The following GRID2 variants were observed in gnomAD, a reference collection of about 807,000 sequenced individuals.
GRID2 encodes the protein glutamate receptor ionotropic, delta-2.
A neutral mutation model predicts 114.8 loss-of-function variants in GRID2; 33 were observed. That is an observed-to-expected ratio of 0.29 (90% CI 0.22 to 0.38). The LOEUF (loss-of-function observed/expected upper bound fraction) is 0.38. Among genes scored for constraint, GRID2 ranks in the 10% least tolerant of loss-of-function variants. The pLI, the probability that GRID2 is intolerant of heterozygous loss-of-function variation, is 1.00. For synonymous variants in GRID2, 505 were observed against 449.9 expected (o/e 1.12, Z -1.55); for missense variants, 1,184 against 1,257.7 (o/e 0.94, Z 0.89).
chr4:93,105,079 T>C (rs1308980263), intron 3 of GRID2, among the ~76,000 whole-genome samples: 4 of 152,132 alleles, frequency 2.6e-5, no homozygotes, highest in Admixed American at 6.5e-5. Context: ...CATTTTTTCA[T>C]GTGTCTTTTG....
At chr4:93,240,912 T>C (rs1032145086) in intron 8 of GRID2, among the ~76,000 whole-genome samples, 1 of 151,696 alleles carries the variant, frequency 6.6e-6, no homozygotes, top group African/African-American at 2.4e-5. Context: ...TTATTGAATG[T>C]TTCTGTCACT....
intron 11 of GRID2, among the ~76,000 whole-genome samples, chr4:93,465,146 C>G (rs1724144775): frequency 6.6e-6 from 1 of 152,134 alleles, no homozygotes; most frequent in Non-Finnish European, 1.5e-5. Flanking sequence ...GCTGAGGAAA[C>G]ACAAGACACC....
At chr4:93,058,601 T>G (rs180750027) in intron 2 of GRID2, among the ~76,000 whole-genome samples, 125 of 152,082 alleles carry the variant, frequency 8.2e-4, no homozygotes, top group African/African-American at 2.8e-3. Flanking sequence ...ATTGCTTAAA[T>G]CACTGTTTAA....
At chr4:92,995,845 A>T (rs1755164662) in intron 2 of GRID2, among the ~76,000 whole-genome samples, 1 of 152,190 alleles carries the variant, frequency 6.6e-6, no homozygotes, top group Non-Finnish European at 1.5e-5. Context: ...TAAAAATGCA[A>T]GCATTTCTCC....
At chr4:92,320,519 G>A (rs1212477521) in intron 1 of GRID2, among the ~76,000 whole-genome samples, 1 of 151,842 alleles carries the variant, frequency 6.6e-6, no homozygotes, top group Non-Finnish European at 1.5e-5. Context: ...CTGTTGCCCA[G>A]ACTGGAGTGT....
At chr4:93,538,847 T>G (rs1732369395) in intron 13 of GRID2, among the ~76,000 whole-genome samples, 1 of 151,378 alleles carries the variant, frequency 6.6e-6, no homozygotes, top group Non-Finnish European at 1.5e-5. Context: ...CAACTAAATG[T>G]AATGTTTGAT....
chr4:92,784,034 T>C (rs1739209158), intron 2 of GRID2, among the ~76,000 whole-genome samples: 2 of 152,066 alleles, frequency 1.3e-5, no homozygotes, highest in African/African-American at 4.8e-5. Context: ...TTAACAAACT[T>C]ATCTGAATTT....
At chr4:93,461,500 G>T (rs1202589015) in intron 11 of GRID2, among the ~76,000 whole-genome samples, 1 of 152,058 alleles carries the variant, frequency 6.6e-6, no homozygotes, top group Admixed American at 6.6e-5. Flanking sequence ...ATTGAATAGG[G>T]ATAAAGAGGC....
Position 93,484,601 on chromosome 4 carries a change from A to G in GRID2, c.1859-6038A>G, listed in dbSNP as rs1029935770. On this transcript the variant is annotated intron_variant, in intron 11 of 15. Coordinates refer to ENST00000282020, the MANE Select transcript of GRID2 (RefSeq NM_001510.4). The stretch of plus-strand genomic sequence containing the variant: ...TTAGATAATATTTATGGACAGAAAG[A>G]AGAAAGTGACATACAGAAAATGGAA... Among the ~76,000 whole-genome samples, 7 of 151,960 alleles carry G rather than the reference A, an allele frequency of 4.6e-5. No homozygotes were observed. The Admixed American group carries it at 4.6e-4, about 10-fold the overall frequency.
At chr4:92,602,934 T>C (rs1729287490) in intron 2 of GRID2, among the ~76,000 whole-genome samples, 2 of 152,064 alleles carry the variant, frequency 1.3e-5, no homozygotes, top group African/African-American at 4.8e-5. Flanking sequence ...AAATAATAAA[T>C]GAACTCCAAT....
At chr4:93,475,219 C>A (rs867722978) in intron 11 of GRID2, among the ~76,000 whole-genome samples, 1 of 152,100 alleles carries the variant, frequency 6.6e-6, no homozygotes, top group African/African-American at 2.4e-5. Context: ...TTTTAAATCT[C>A]TTATTCAAAA....
At chr4:93,062,233 T>C (rs1324174429) in intron 2 of GRID2, among the ~76,000 whole-genome samples, 2 of 152,186 alleles carry the variant, frequency 1.3e-5, no homozygotes, top group Non-Finnish European at 2.9e-5. Context: ...GCTGTATCTT[T>C]AACTTGGGAA....
At chr4:92,776,466 C>T (rs937874886) in intron 2 of GRID2, among the ~76,000 whole-genome samples, 4 of 151,890 alleles carry the variant, frequency 2.6e-5, no homozygotes, top group South Asian at 4.1e-4. Context: ...ACAGAAGGGT[C>T]GGTGTGAGTG....
chr4:93,018,068 C>T (rs1476099919), intron 2 of GRID2, among the ~76,000 whole-genome samples: 1 of 151,426 alleles, frequency 6.6e-6, no homozygotes, highest in Non-Finnish European at 1.5e-5. Context: ...CAGTTTTTCA[C>T]TGTTCAGTAT....
chr4:93,056,943 A>G (rs977562874), intron 2 of GRID2, among the ~76,000 whole-genome samples: 60 of 152,150 alleles, frequency 3.9e-4, no homozygotes, highest in African/African-American at 1.4e-3. Flanking sequence ...GATCATTATA[A>G]TAGAAAATTG....
At chr4:93,747,937 A>G (rs979515196) in intron 14 of GRID2, among the ~76,000 whole-genome samples, 1 of 152,136 alleles carries the variant, frequency 6.6e-6, no homozygotes, top group African/African-American at 2.4e-5. Flanking sequence ...ACTATTTTTC[A>G]ACTTGCAGAG....
At chr4:93,604,597 T>A (rs1740017134) in intron 13 of GRID2, among the ~76,000 whole-genome samples, 1 of 152,224 alleles carries the variant, frequency 6.6e-6, no homozygotes, top group Non-Finnish European at 1.5e-5. Context: ...GGTAAAATAC[T>A]GTCTAAAAGC....
chr4:92,944,419 G>T (rs1269383179), intron 2 of GRID2, among the ~76,000 whole-genome samples: 1 of 152,186 alleles, frequency 6.6e-6, no homozygotes, highest in Non-Finnish European at 1.5e-5. Flanking sequence ...TAAGACAGTT[G>T]GAAAAGCACA....
At chr4:92,639,001 G>T (rs537757488) in intron 2 of GRID2, among the ~76,000 whole-genome samples, 1 of 150,964 alleles carries the variant, frequency 6.6e-6, no homozygotes, top group African/African-American at 2.4e-5. Context: ...TGATAAGTAC[G>T]CATAATTTAT....
Sources: allele counts gnomAD v4.1 joint callset (sites outside exome capture counted in the v4.1 genomes callset), GRCh38; gene constraint gnomAD v4.1.1; transcripts MANE v1.5; gene names NCBI Gene and HGNC (gene_info 2026-07-23, HGNC 2026-07-21).